The following IDH1 variants were observed in gnomAD, a reference collection of about 807,000 sequenced individuals.
The protein encoded by IDH1 is isocitrate dehydrogenase [NADP] cytoplasmic.
In IDH1, 33 loss-of-function variants were observed where a neutral mutation model predicts 46.1. The observed-to-expected ratio is 0.72, with a 90% CI of 0.54 to 0.96. The LOEUF (loss-of-function observed/expected upper bound fraction) is 0.96. Among genes scored for constraint, IDH1 ranks in the 40% least tolerant of loss-of-function variants. IDH1 has a pLI of 0.00. For missense variants in IDH1, 421 were observed against 515.7 expected (o/e 0.82, Z 1.78); for synonymous variants, 144 against 172.8 (o/e 0.83, Z 1.31).
chr2:208,241,744 G>C (rs1687922809), intron 7 of IDH1, among the ~76,000 whole-genome samples: 1 of 152,110 alleles, frequency 6.6e-6, no homozygotes, highest in African/African-American at 2.4e-5. Flanking sequence ...TTCAGATCAG[G>C]TAGGCTTTAA....
In IDH1 at chr2:208,243,593, C is replaced by T. The variant is rs34218846; in HGVS notation, c.532G>A (p.Val178Ile). Residue 178 changes from valine to isoleucine, a missense_variant, in exon 6 of 10, where the codon GTT becomes ATT. By Grantham distance (29) the Val-to-Ile change is conservative. Coordinates refer to ENST00000345146, the MANE Select transcript of IDH1 (RefSeq NM_005896.4). ...TCTTGATTATACATCCCCATGGCAA[C>T]ACCACCACCTTCTGTAGAGGAGAAG... ...LVHNFEEGGG[V>I]AMGMYNQDKS... is the part of the protein sequence containing the mutation. 0.053 allele frequency: 86,122 copies of T among 1,611,912 alleles called. 2,625 individuals carry two copies. Among genetic ancestry groups the T allele is most frequent in the African/African-American group, 0.081 (6,047 of 74,940 alleles).
chr2:208,248,848 G>A lies in IDH1; in HGVS notation c.123-188C>T, dbSNP rs1308551339. Among the ~76,000 whole-genome samples, 4 of 152,172 alleles carry A rather than the reference G, an allele frequency of 2.6e-5. No individual in the cohort carries two copies. The East Asian group carries it at 5.8e-4, about 22-fold the overall frequency. ...GGGTGCCAACTACAAAGAGAACTAAGAGAGGCTAGACTGCTGGGCTGCCCC... is the reference window on the plus strand; with the variant it reads ...GGGTGCCAACTACAAAGAGAACTAAAAGAGGCTAGACTGCTGGGCTGCCCC... On this transcript the variant is annotated intron_variant, in intron 3 of 9. Coordinates refer to ENST00000345146, the MANE Select transcript of IDH1 (RefSeq NM_005896.4).
At chr2:208,239,364 G>C (rs1687875778) in intron 8 of IDH1, 131 bp from the exon 9 acceptor site, 2 of 870,476 alleles carry the variant, frequency 2.3e-6, no homozygotes, top group South Asian at 3.0e-5. Flanking sequence ...TAACCACATG[G>C]GCTAGAAGTT....
intron 7 of IDH1, among the ~76,000 whole-genome samples, chr2:208,241,536 A>G (rs1250760180): frequency 6.6e-6 from 1 of 151,948 alleles, no homozygotes; most frequent in African/African-American, 2.4e-5. Context: ...CCAGCCAAAC[A>G]CATTTGTTTT....
chr2:208,249,092 T>G (rs1688076402), intron 3 of IDH1, among the ~76,000 whole-genome samples: 1 of 152,176 alleles, frequency 6.6e-6, no homozygotes, highest in African/African-American at 2.4e-5. Flanking sequence ...ATTTTTTGTA[T>G]TTTGACGTTG....
At chr2:208,237,691 C>T (rs1475274256) in intron 9 of IDH1, among the ~76,000 whole-genome samples, 1 of 148,524 alleles carries the variant, frequency 6.7e-6, no homozygotes, top group African/African-American at 2.5e-5. Flanking sequence ...GGGGCCAAGG[C>T]GGGTGGATCA....
chr2:208,251,355 A>G (rs1434260695), intron 3 of IDH1, 75 bp downstream of exon 3: 3 of 1,529,794 alleles, frequency 2.0e-6, no homozygotes, highest in African/African-American at 2.7e-5. Flanking sequence ...AGTAGCTGGG[A>G]CTTCACGTGT....
In IDH1 at chr2:208,248,343, A is replaced by C. The variant is rs367779209; in HGVS notation, c.414+26T>G. 8 of 1,610,598 alleles carry C rather than the reference A, an allele frequency of 5.0e-6. No homozygotes were observed. The African/African-American group carries it at 1.1e-4, about 22-fold the overall frequency. On this transcript the variant is annotated intron_variant, in intron 4 of 9. Transcript: ENST00000345146. ...GGCCATGAAAAAAAAAACATGCAAAATCACATTATTGCCAACATGACTTAC... is the reference window on the plus strand; with the variant it reads ...GGCCATGAAAAAAAAAACATGCAAACTCACATTATTGCCAACATGACTTAC...
chr2:208,248,308 G>A (rs1688059472), intron 4 of IDH1, 61 bp downstream of exon 4: 1 of 1,503,720 alleles, frequency 6.7e-7, no homozygotes, highest in Non-Finnish European at 9.2e-7. Context: ...ATACAAGTTG[G>A]AAATTTCTGG....
intron 7 of IDH1, 109 bp downstream of exon 7, chr2:208,241,885 G>A (rs1687925745): frequency 6.2e-6 from 7 of 1,128,306 alleles, no homozygotes; most frequent in South Asian, 2.5e-5. Flanking sequence ...GGACCTGGAG[G>A]TTTAACATTC....
chr2:208,239,208 C>T lies in IDH1; in HGVS notation c.1017G>A (p.Gly339=), dbSNP rs1687872681. 4 of 1,614,024 alleles carry T rather than the reference C, an allele frequency of 2.5e-6. No individual in the cohort carries two copies. The highest frequency in any genetic ancestry group is 3.4e-6 in the Non-Finnish European group (4 of 1,179,980). Residue 339 remains glycine (G), a synonymous_variant, in exon 9 of 10, where the codon GGG becomes GGA. Coordinates refer to ENST00000345146, the MANE Select transcript of IDH1 (RefSeq NM_005896.4). The part of the protein sequence containing the change: ...PIASIFAWTR[G]LAHRAKLDNN... ...TATCAAGCTTTGCTCTGTGGGCTAA[C>T]CCTCTGGTCCAGGCAAAAATGGAAG...
rs200122564 is a variant in IDH1, at chr2:208,237,029, G to C, written c.*50C>G. On this transcript the variant is annotated 3_prime_UTR_variant, in exon 10 of 10. Transcript: ENST00000345146. ...GTGTAACACAGAAAAATGTAAACCT[G>C]TAGACCTAGTTACCAAAAGACAATT... 41 of 988,528 alleles carry C rather than the reference G, an allele frequency of 4.1e-5. No homozygotes were observed. Among genetic ancestry groups the C allele is most frequent in the Non-Finnish European group, 6.1e-5 (38 of 625,588 alleles). The allele number at this position is 988,528 out of a possible 1,614,324, so 61.2% of individuals were successfully genotyped here.
chr2:208,238,337 C>T (rs1022693240), intron 9 of IDH1, among the ~76,000 whole-genome samples: 4 of 152,162 alleles, frequency 2.6e-5, no homozygotes, highest in African/African-American at 9.7e-5. Context: ...ACCCAGCGAA[C>T]ACTGCAATCT....
intron 3 of IDH1, among the ~76,000 whole-genome samples, chr2:208,250,599 C>T (rs1384213858): frequency 1.3e-5 from 2 of 152,110 alleles, no homozygotes; most frequent in African/African-American, 2.4e-5. Flanking sequence ...GCCACTTTAC[C>T]CTTTTAAAAA....
Position 208,248,300 on chromosome 2 carries a change from A to G in IDH1, c.414+69T>C, listed in dbSNP as rs1688059276. The G allele has an allele frequency of 8.5e-6, 12 of 1,414,180 alleles. No homozygotes were observed. The East Asian group carries it at 2.7e-4, about 32-fold the overall frequency. 87.6% of individuals were successfully genotyped at this position (1,414,180 alleles called of 1,614,324 possible). On this transcript the variant is annotated intron_variant, in intron 4 of 9. Transcript: ENST00000345146. Reference sequence around the variant, plus strand: ...ACCAAAAGATAAGAATAAAACACATACAAGTTGGAAATTTCTGGGCCATGA... The same window carrying G: ...ACCAAAAGATAAGAATAAAACACATGCAAGTTGGAAATTTCTGGGCCATGA...
intron 7 of IDH1, among the ~76,000 whole-genome samples, chr2:208,241,713 G>A (rs1687922541): frequency 6.6e-6 from 1 of 152,104 alleles, no homozygotes; most frequent in Non-Finnish European, 1.5e-5. Flanking sequence ...AGGACAAGGA[G>A]GGCAGGGAAA....
rs890772668 is a variant in IDH1 at position 208,236,239 on chromosome 2, C to T, written c.*840G>A. On this transcript the variant is annotated 3_prime_UTR_variant, in exon 10 of 10. Transcript: ENST00000345146. ...AGAAACGCAGAAGAATGGTAATTAG[C>T]ACTTAATTTTAATTAAAATCAACAG... is the stretch of plus-strand genomic sequence containing the variant. 10 of 206,822 alleles carry T rather than the reference C, an allele frequency of 4.8e-5. 1 individual carries two copies. Among genetic ancestry groups the T allele is most frequent in the African/African-American group, 2.3e-4 (10 of 43,810 alleles). The allele number at this position is 206,822 out of a possible 1,614,324, so 12.8% of individuals were successfully genotyped here. A position where few individuals can be genotyped will look rare whatever the true frequency, so the allele number is the denominator to read the frequency against.
intron 4 of IDH1, chr2:208,247,441 TTTTTC>T: frequency 6.6e-6 from 1 of 152,354 alleles, no homozygotes; most frequent in Non-Finnish European, 1.5e-5. Flanking sequence ...GTCAGTTTTT[TTTTTC>T]TTTTTCTTTT....
rs759413310 is a variant in IDH1 at position 208,239,188 on chromosome 2, A to G, written c.1037T>C (p.Leu346Pro). The change falls in exon 9 of 10, where the codon CTT (leucine) becomes CCT (proline). Residue 346 changes from leucine to proline, a missense_variant. Physicochemically the swap from Leu to Pro is moderately conservative, Grantham distance 98 (BLOSUM62 -3). Transcript: ENST00000345146. Reference protein sequence around the residue: ...WTRGLAHRAKLDNNKELAFFA... With the variant: ...WTRGLAHRAKPDNNKELAFFA... ...GAAGGCAAGCTCTTTATTGTTATCA[A>G]GCTTTGCTCTGTGGGCTAACCCTCT... 4 of 1,614,172 alleles carry G rather than the reference A, an allele frequency of 2.5e-6. No individual in the cohort carries two copies. Among genetic ancestry groups the G allele is most frequent in the East Asian group, 4.5e-5 (2 of 44,880 alleles).
Sources: gnomAD v4.1 joint callset for allele counts (sites outside exome capture counted in the v4.1 genomes callset) on GRCh38, gnomAD v4.1.1 for gene constraint, MANE v1.5 for transcripts, NCBI Gene and HGNC (gene_info 2026-07-23, HGNC 2026-07-21) for gene names.